The following CORO7 variants were observed in gnomAD, a reference collection of about 807,000 sequenced individuals.
CORO7 encodes the protein coronin-7.
A neutral mutation model predicts 126.6 loss-of-function variants in CORO7; 107 were observed. That is an observed-to-expected ratio of 0.85 (90% confidence interval 0.72 to 0.99). The LOEUF is 0.99. CORO7 is among the 50% of genes least tolerant of loss of function. The pLI is 0.00. For missense variants in CORO7, 1,314 were observed against 1,255.8 expected (o/e 1.05, Z -0.70); for synonymous variants, 603 against 536.8 (o/e 1.12, Z -1.70).
chr16:4,361,899 C>T (rs1264594231), intron 16 of CORO7, 86 bp downstream of exon 16: 1 of 1,532,972 alleles, frequency 6.5e-7, no homozygotes, highest in Non-Finnish European at 8.8e-7. Context: ...TTTGTGCTCC[C>T]TGTGTTGTGT....
intron 3 of CORO7, among the ~76,000 whole-genome samples, chr16:4,409,270 G>A (rs1300456634): frequency 1.3e-5 from 2 of 152,226 alleles, no homozygotes; most frequent in African/African-American, 4.8e-5. Context: ...GGATAGCCCT[G>A]GCCTGGAATC....
At chr16:4,402,692 C>G (rs1467132388) in intron 6 of CORO7, among the ~76,000 whole-genome samples, 1 of 152,182 alleles carries the variant, frequency 6.6e-6, no homozygotes, top group Admixed American at 6.5e-5. Flanking sequence ...GGGGTCCAAA[C>G]CAGGGTTCAG....
intron 6 of CORO7, among the ~76,000 whole-genome samples, chr16:4,400,352 G>T (rs1436174347): frequency 6.6e-6 from 1 of 152,098 alleles, no homozygotes; most frequent in Non-Finnish European, 1.5e-5. Context: ...AAAAAAATTA[G>T]GCCAGGCATG....
Position 4,360,552 on chromosome 16 carries a change from G to C in CORO7, c.1918-4C>G, listed in dbSNP as rs1216282843. The C allele has an allele frequency of 3.1e-6, 5 of 1,591,170 alleles. No homozygotes were observed. The African/African-American group carries it at 5.4e-5, about 17-fold the overall frequency. On this transcript the variant is annotated splice_polypyrimidine_tract_variant and splice_region_variant and intron_variant, in intron 19 of 27. Transcript: ENST00000251166. ...GACTCCAGGCCAGGCTGAAGATCTG[G>C]GGGCAGGAAGGGATATGAGAGACAG...
intron 6 of CORO7, among the ~76,000 whole-genome samples, chr16:4,396,841 C>A (rs1044613848): frequency 1.3e-5 from 2 of 151,610 alleles, no homozygotes; most frequent in African/African-American, 2.4e-5. Flanking sequence ...CATGGTGAAA[C>A]CCCGTTTCTA....
intron 9 of CORO7, among the ~76,000 whole-genome samples, chr16:4,376,995 C>T (rs1026297356): frequency 2.0e-5 from 3 of 152,204 alleles, no homozygotes; most frequent in Admixed American, 2.0e-4. Context: ...GCAAGTGCTC[C>T]GAGCACAGAC....
chr16:4,375,710 G>C (rs915373091), intron 9 of CORO7, among the ~76,000 whole-genome samples: 1 of 152,172 alleles, frequency 6.6e-6, no homozygotes, highest in Non-Finnish European at 1.5e-5. Context: ...GGATGGTCTC[G>C]ATCTCCTGAC....
intron 7 of CORO7, among the ~76,000 whole-genome samples, chr16:4,391,247 A>G (rs941620949): frequency 6.6e-6 from 1 of 151,362 alleles, no homozygotes; most frequent in African/African-American, 2.4e-5. Flanking sequence ...ACAAACTGAA[A>G]ACTTCTCTCT....
intron 9 of CORO7, among the ~76,000 whole-genome samples, chr16:4,368,351 A>G (rs1297600012): frequency 6.6e-6 from 1 of 151,890 alleles, no homozygotes; most frequent in Non-Finnish European, 1.5e-5. Context: ...CATCTCAAAA[A>G]ATAAAATTAA....
chr16:4,412,292 T>G (rs1178090034), intron 3 of CORO7, 64 bp downstream of exon 3: 1 of 1,580,314 alleles, frequency 6.3e-7, no homozygotes, highest in African/African-American at 1.3e-5. Flanking sequence ...TGAGGATGAA[T>G]TTCTGGCCCT....
rs1049103092 is a variant in CORO7 at position 4,359,707 on chromosome 16, C to G, written c.2109-86G>C. On this transcript the variant is annotated intron_variant, in intron 21 of 27. Transcript: ENST00000251166. Reference sequence around the variant, plus strand: ...AGAAGGCGCCCACGTAGCCCCTGCTCTGTTCTGGGTTGTAGGCGAGGCCTA... The same window carrying G: ...AGAAGGCGCCCACGTAGCCCCTGCTGTGTTCTGGGTTGTAGGCGAGGCCTA... 1.1e-5 allele frequency: 17 copies of G among 1,493,256 alleles called. No homozygotes were observed. In the South Asian group the frequency reaches 1.2e-4, roughly 11 times the overall value. 92.5% of individuals were successfully genotyped at this position (1,493,256 alleles called of 1,614,324 possible).
chr16:4,390,326 A>G (rs1567284300), intron 7 of CORO7, among the ~76,000 whole-genome samples: 1 of 152,104 alleles, frequency 6.6e-6, no homozygotes, highest in Non-Finnish European at 1.5e-5. Flanking sequence ...TATGGTGCTG[A>G]AGGACCTACT....
At chr16:4,404,144 C>G (rs553061010) in intron 6 of CORO7, among the ~76,000 whole-genome samples, 115 of 152,342 alleles carry the variant, frequency 7.5e-4, no homozygotes, top group African/African-American at 2.6e-3. Context: ...TAGGGTCCCT[C>G]CAAGTATGCA....
chr16:4,359,709 G>GT (rs1165517920), intron 21 of CORO7, 88 bp from the exon 22 acceptor site: 75 of 1,476,230 alleles, frequency 5.1e-5, no homozygotes, highest in Non-Finnish European at 3.2e-5. Context: ...CCCCTGCTCT[G>GT]TTCTGGGTTG....
intron 9 of CORO7, chr16:4,371,874 G>C (rs1282987583): frequency 6.6e-6 from 1 of 152,152 alleles, no homozygotes; most frequent in Non-Finnish European, 1.5e-5. Flanking sequence ...CCCGGGGCGG[G>C]TGGACGCGGA....
At chr16:4,370,006 A>G (rs2054470655) in intron 9 of CORO7, among the ~76,000 whole-genome samples, 1 of 152,186 alleles carries the variant, frequency 6.6e-6, no homozygotes, top group Admixed American at 6.5e-5. Flanking sequence ...GGACCTGTGT[A>G]AGGCCAGGGC....
chr16:4,399,694 A>G (rs764719993), intron 6 of CORO7, among the ~76,000 whole-genome samples: 26 of 152,164 alleles, frequency 1.7e-4, no homozygotes, highest in Non-Finnish European at 2.9e-4. Flanking sequence ...GTTTGAGACC[A>G]GCCTAGGCAA....
chr16:4,407,789 G>C, intron 4 of CORO7, 105 bp from the exon 5 acceptor site: 3 of 1,377,412 alleles, frequency 2.2e-6, no homozygotes, highest in Non-Finnish European at 2.9e-6. Context: ...GGCTGCTCCA[G>C]GAGACCACAC....
chr16:4,385,854 C>T (rs181142290), intron 9 of CORO7, among the ~76,000 whole-genome samples: 2 of 152,364 alleles, frequency 1.3e-5, no homozygotes, highest in South Asian at 2.1e-4. Context: ...TAAGGGCACA[C>T]ACTGTTCTGC....
Sources: allele counts gnomAD v4.1 joint callset (sites outside exome capture counted in the v4.1 genomes callset), GRCh38; gene constraint gnomAD v4.1.1; transcripts MANE v1.5; gene names NCBI Gene and HGNC (gene_info 2026-07-23, HGNC 2026-07-21).